Variants in KCNN2 observed in about 807,000 individuals in gnomAD.
KCNN2 encodes potassium calcium-activated channel subfamily N member 2, also known as small conductance calcium-activated potassium channel protein 2.
Under a neutral mutation model 55.5 loss-of-function variants are expected in KCNN2, and 24 were observed. That is an observed-to-expected ratio of 0.43 (90% CI 0.31 to 0.61). KCNN2 has a LOEUF of 0.61. Ranked by LOEUF, KCNN2 falls within the 20% of genes least tolerant of loss-of-function variation. The pLI, the probability that KCNN2 is intolerant of heterozygous loss-of-function variation, is 0.08. For synonymous variants in KCNN2, 431 were observed against 336.1 expected, an observed-to-expected ratio of 1.28 and a Z score of -3.09; for missense variants, 754 against 853.6, an observed-to-expected ratio of 0.88 and a Z score of 1.45.
intron 2 of KCNN2, among the ~76,000 whole-genome samples, chr5:114,278,278 G>A (rs1174628014): frequency 1.3e-5 from 2 of 152,182 alleles, no homozygotes; most frequent in Non-Finnish European, 2.9e-5. Context: ...ACTGGTAGGT[G>A]TCTCCCAGTC....
chr5:114,397,487 A>G (rs1373401893), intron 2 of KCNN2, among the ~76,000 whole-genome samples: 3 of 152,134 alleles, frequency 2.0e-5, no homozygotes, highest in South Asian at 2.1e-4. Context: ...CCTGGGTTCA[A>G]GTGATTCTTC....
chr5:114,383,659 G>C (rs902391310), intron 2 of KCNN2, among the ~76,000 whole-genome samples: 5 of 152,134 alleles, frequency 3.3e-5, no homozygotes, highest in Admixed American at 6.5e-5. Context: ...GTAGGGACAG[G>C]GTTTTGCCAT....
intron 2 of KCNN2, among the ~76,000 whole-genome samples, chr5:114,257,827 C>T (rs1407696824): frequency 6.6e-6 from 1 of 152,012 alleles, no homozygotes; most frequent in Non-Finnish European, 1.5e-5. Context: ...ATTTGGATGC[C>T]TTTTATTTCT....
intron 2 of KCNN2, among the ~76,000 whole-genome samples, chr5:114,227,865 A>G (rs1754269919): frequency 6.6e-6 from 1 of 152,176 alleles, no homozygotes. Flanking sequence ...AAGAGTATAT[A>G]TGAGTGTATA....
chr5:114,449,696 G>T (rs1760567384), intron 3 of KCNN2, among the ~76,000 whole-genome samples: 1 of 152,138 alleles, frequency 6.6e-6, no homozygotes, highest in Non-Finnish European at 1.5e-5. Flanking sequence ...ATCTTCAAAT[G>T]CAGGTTCATT....
Position 114,351,421 on chromosome 5 carries a change from T to G in KCNN2, c.-184-9524T>G, listed in dbSNP as rs569750722. Among the ~76,000 whole-genome samples, 7 of 151,914 alleles carry G rather than the reference T, an allele frequency of 4.6e-5. No homozygotes were observed. The South Asian group carries it at 1.4e-3, about 31-fold the overall frequency. ...ATAGGTTGATTACTTCTTATCTATC[T>G]GAATACCTTTTGTTTCTTTTTATTA... is the stretch of plus-strand genomic sequence containing the variant. On this transcript the variant is annotated intron_variant, in intron 2 of 10. Transcript: ENST00000512097.
At position 114,362,137 on chromosome 5, in the gene KCNN2, G is replaced by T; in HGVS notation, c.-3G>T. The T allele has an allele frequency of 6.2e-6, 1 of 160,918 alleles. No individual in the cohort carries two copies. Among genetic ancestry groups the T allele is most frequent in the South Asian group, 1.8e-4 (1 of 5,656 alleles). The allele number at this position is 160,918 out of a possible 1,614,324, so 10.0% of individuals were successfully genotyped here. On this transcript the variant is annotated 5_prime_UTR_variant, in exon 1 of 8. Transcript: ENST00000673685. ...GTCTCCCTGCAGCTTTAACAGCCCT[G>T]ACATGGAAACCCCATTGCAGTTCCA...
At chr5:114,181,881 G>A (rs1753247489) in intron 1 of KCNN2, among the ~76,000 whole-genome samples, 1 of 152,078 alleles carries the variant, frequency 6.6e-6, no homozygotes, top group Non-Finnish European at 1.5e-5. Context: ...CAGCGTTGTG[G>A]CGCACGCCTG....
intron 2 of KCNN2, among the ~76,000 whole-genome samples, chr5:114,296,782 TG>T (rs2150020555): frequency 6.6e-6 from 1 of 152,356 alleles, no homozygotes; most frequent in African/African-American, 2.4e-5. Flanking sequence ...AAGTAAATAT[TG>T]TTTGTTTTTA....
chr5:114,340,859 C>A (rs1757003574), intron 2 of KCNN2, among the ~76,000 whole-genome samples: 1 of 152,116 alleles, frequency 6.6e-6, no homozygotes, highest in Non-Finnish European at 1.5e-5. Flanking sequence ...TGCCTCAGCC[C>A]CTGGCAACTA....
At position 114,288,495 on chromosome 5, in the gene KCNN2, T is replaced by TAC. The variant is rs771115837; in HGVS notation, c.-185+66931_-185+66932insCA. On this transcript the variant is annotated intron_variant, in intron 2 of 10. Transcript: ENST00000512097. ...CATCTTTGCCATTACTTTATATATA[T>TAC]ATATACACACACACACACACACACA... 5.7e-3 allele frequency among the ~76,000 whole-genome samples: 427 copies of TAC among 75,294 alleles called. 4 individuals carry two copies. The highest frequency in any genetic ancestry group is 0.025 in the South Asian group (63 of 2,540). 49.4% of individuals were successfully genotyped at this position (75,294 alleles called of 152,430 possible).
chr5:114,217,764 A>G (rs1320783630), intron 1 of KCNN2, among the ~76,000 whole-genome samples: 1 of 152,182 alleles, frequency 6.6e-6, no homozygotes, highest in Admixed American at 6.5e-5. Context: ...GACTTCATTA[A>G]AATTAAAAAT....
chr5:114,472,180 C>G (rs535846104), intron 4 of KCNN2, among the ~76,000 whole-genome samples: 89 of 152,128 alleles, frequency 5.9e-4, no homozygotes, highest in Non-Finnish European at 1.1e-3. Flanking sequence ...GATGAATTGG[C>G]TGCAGCACCT....
At chr5:114,289,303 C>G (rs1382120490) in intron 2 of KCNN2, among the ~76,000 whole-genome samples, 1 of 151,070 alleles carries the variant, frequency 6.6e-6, no homozygotes, top group Non-Finnish European at 1.5e-5. Context: ...TTTTCAAGAT[C>G]ATTTTGGCTG....
chr5:114,126,008 T>C (rs1751923433), intron 1 of KCNN2, among the ~76,000 whole-genome samples: 1 of 152,124 alleles, frequency 6.6e-6, no homozygotes. Flanking sequence ...CTATGTTCTG[T>C]TGGTTTTCTA....
intron 2 of KCNN2, among the ~76,000 whole-genome samples, chr5:114,385,361 A>G (rs1019179150): frequency 6.6e-6 from 1 of 152,158 alleles, no homozygotes; most frequent in Non-Finnish European, 1.5e-5. Context: ...TACTTAATTT[A>G]CATAACTGAC....
chr5:114,198,252 G>A (rs1753598457), intron 1 of KCNN2, among the ~76,000 whole-genome samples: 1 of 150,850 alleles, frequency 6.6e-6, no homozygotes, highest in Non-Finnish European at 1.5e-5. Flanking sequence ...ATTTATGGCT[G>A]AGTAGTATTC....
chr5:114,470,833 C>T (rs1012597790), intron 4 of KCNN2, among the ~76,000 whole-genome samples: 1 of 152,084 alleles, frequency 6.6e-6, no homozygotes, highest in Non-Finnish European at 1.5e-5. Context: ...AGTGACTATA[C>T]CTTGGGATCA....
At chr5:114,371,023 G>A (rs1757748187) in intron 2 of KCNN2, among the ~76,000 whole-genome samples, 1 of 152,154 alleles carries the variant, frequency 6.6e-6, no homozygotes. Flanking sequence ...CAGCCATAGA[G>A]ATGAGGAGAA....
Sources: gnomAD v4.1 joint callset for allele counts (sites outside exome capture counted in the v4.1 genomes callset) on GRCh38, gnomAD v4.1.1 for gene constraint, MANE v1.5 for transcripts, NCBI Gene and HGNC (gene_info 2026-07-23, HGNC 2026-07-21) for gene names.